ARFIP1: variants seen among roughly 807,000 people sequenced by gnomAD.
The protein encoded by ARFIP1 is arfaptin-1.
Under a neutral mutation model 42.5 loss-of-function variants are expected in ARFIP1, and 24 were observed. That is an observed-to-expected ratio of 0.57 (90% CI 0.41 to 0.80). The LOEUF (loss-of-function observed/expected upper bound fraction) is 0.80, where lower values mean the gene tolerates loss of function less well. Ranked by LOEUF, ARFIP1 falls within the 30% of genes least tolerant of loss-of-function variation. ARFIP1 has a pLI of 0.00. For synonymous variants in ARFIP1, 141 were observed against 153.7 expected (o/e 0.92, Z 0.61); for missense variants, 354 against 434.0 (o/e 0.82, Z 1.64).
chr4:152,851,964 T>G (rs1161864629), intron 2 of ARFIP1, among the ~76,000 whole-genome samples: 1 of 152,230 alleles, frequency 6.6e-6, no homozygotes, highest in Non-Finnish European at 1.5e-5. Flanking sequence ...TGTATTCTTT[T>G]AAAAGTACCT....
At chr4:152,783,809 C>T (rs1561092476) in intron 1 of ARFIP1, among the ~76,000 whole-genome samples, 1 of 151,900 alleles carries the variant, frequency 6.6e-6, no homozygotes, top group Non-Finnish European at 1.5e-5. Flanking sequence ...GTAGGGGTTT[C>T]CTATGGGGAT....
chr4:152,812,066 GGTTTTT>G (rs1729509858), intron 1 of ARFIP1, among the ~76,000 whole-genome samples: 1 of 152,102 alleles, frequency 6.6e-6, no homozygotes. Context: ...TCAGAACATC[GGTTTTT>G]TATTTAAAGT....
chr4:152,868,723 T>C (rs1214448083), intron 3 of ARFIP1, among the ~76,000 whole-genome samples: 5 of 152,218 alleles, frequency 3.3e-5, no homozygotes, highest in Non-Finnish European at 5.9e-5. Flanking sequence ...GGTCTTCTTT[T>C]ATTTTACACT....
intron 8 of ARFIP1, among the ~76,000 whole-genome samples, chr4:152,897,013 A>C (rs1415143199): frequency 2.0e-5 from 3 of 152,220 alleles, no homozygotes; most frequent in African/African-American, 7.2e-5. Context: ...ATATCTTAAC[A>C]TATGGTGCAA....
chr4:152,897,671 A>G (rs1047578051), intron 8 of ARFIP1, among the ~76,000 whole-genome samples: 4 of 152,174 alleles, frequency 2.6e-5, no homozygotes, highest in Non-Finnish European at 5.9e-5. Context: ...GTTGATATAC[A>G]TGTGTGCTCT....
At chr4:152,837,970 A>T (rs190403129) in intron 2 of ARFIP1, among the ~76,000 whole-genome samples, 105 of 152,236 alleles carry the variant, frequency 6.9e-4, no homozygotes, top group Non-Finnish European at 1.3e-3. Context: ...GAGAGATGAG[A>T]ATCCAGTTTC....
At chr4:152,873,965 C>T (rs1735110310) in intron 5 of ARFIP1, among the ~76,000 whole-genome samples, 1 of 152,180 alleles carries the variant, frequency 6.6e-6, no homozygotes, top group Admixed American at 6.6e-5. Context: ...TCTCATACTT[C>T]TGTAACTTTG....
intron 1 of ARFIP1, among the ~76,000 whole-genome samples, chr4:152,790,948 G>A (rs1179715750): frequency 6.6e-6 from 1 of 151,374 alleles, no homozygotes; most frequent in Non-Finnish European, 1.5e-5. Context: ...AGGTTGCCCA[G>A]GCTGATCTTG....
chr4:152,900,525 T>C (rs72968481), intron 8 of ARFIP1, among the ~76,000 whole-genome samples: 2,144 of 152,272 alleles, frequency 0.014, 27 homozygotes, highest in African/African-American at 0.034. Flanking sequence ...TGTCTTTCCT[T>C]CTCTCACTCC....
Position 152,881,006 on chromosome 4 carries a change from G to A in ARFIP1, c.455G>A (p.Arg152Lys). The A allele has an allele frequency of 6.2e-7, 1 of 1,613,872 alleles. No homozygotes were observed. The highest frequency in any genetic ancestry group is 8.5e-7 in the Non-Finnish European group (1 of 1,179,856). ...IISEKLGRGS[R>K]TVDLELEAQI... is the part of the protein sequence containing the mutation. ...TCTGAGAAGCTAGGCCGTGGCTCAA[G>A]AACTGTGGACCTTGAACTTGAAGCT... The change falls in exon 6 of 9, where the codon AGA (arginine) becomes AAA (lysine). Residue 152 changes from arginine to lysine, a missense_variant. Coordinates refer to ENST00000353617, the MANE Select transcript of ARFIP1 (RefSeq NM_001025595.3).
chr4:152,908,275 T>C (rs774711378), intron 8 of ARFIP1, among the ~76,000 whole-genome samples: 9 of 152,246 alleles, frequency 5.9e-5, no homozygotes, highest in Non-Finnish European at 1.3e-4. Context: ...TTTCCCAGTA[T>C]GTAGCTTATC....
intron 1 of ARFIP1, among the ~76,000 whole-genome samples, chr4:152,811,544 C>A (rs1729468298): frequency 6.6e-6 from 1 of 152,094 alleles, no homozygotes; most frequent in African/African-American, 2.4e-5. Flanking sequence ...AAGTACATTT[C>A]ATGTTCCAGA....
chr4:152,907,356 T>TGAAC lies in ARFIP1; in HGVS notation c.967-2708_967-2707insGAAC, dbSNP rs71598221. Among the ~76,000 whole-genome samples, 4 of 151,580 alleles carry TGAAC rather than the reference T, an allele frequency of 2.6e-5. No individual in the cohort carries two copies. In the East Asian group the frequency reaches 7.8e-4, roughly 29 times the overall value. On this transcript the variant is annotated intron_variant, in intron 8 of 8. Transcript: ENST00000353617. ...CTCATAATCTTTTTCTCTTTTTTAA[T>TGAAC]AAAAGAATGTTTAACATACAGACAA...
At chr4:152,896,965 A>G (rs545623234) in intron 8 of ARFIP1, among the ~76,000 whole-genome samples, 1 of 152,338 alleles carries the variant, frequency 6.6e-6, no homozygotes, top group Admixed American at 6.5e-5. Context: ...GACAGAGTAG[A>G]AATAGTGCAA....
intron 1 of ARFIP1, among the ~76,000 whole-genome samples, chr4:152,825,658 G>C (rs1391973298): frequency 1.3e-5 from 2 of 152,112 alleles, no homozygotes; most frequent in African/African-American, 4.8e-5. Context: ...GACCCCAAAA[G>C]CAAATGCAAG....
chr4:152,824,845 C>T (rs901943453), intron 1 of ARFIP1, among the ~76,000 whole-genome samples: 2 of 152,114 alleles, frequency 1.3e-5, no homozygotes, highest in Non-Finnish European at 2.9e-5. Flanking sequence ...AATAAAGTCT[C>T]AGTATACAAA....
chr4:152,857,094 G>A (rs1733505194), intron 2 of ARFIP1, among the ~76,000 whole-genome samples: 1 of 152,234 alleles, frequency 6.6e-6, no homozygotes, highest in Non-Finnish European at 1.5e-5. Context: ...TAAAAATTGA[G>A]TGTAAGGAAT....
intron 1 of ARFIP1, among the ~76,000 whole-genome samples, chr4:152,806,274 A>T (rs994233506): frequency 1.3e-5 from 2 of 152,180 alleles, no homozygotes; most frequent in African/African-American, 4.8e-5. Context: ...AGAGAGTATT[A>T]GTGTAATTTA....
intron 2 of ARFIP1, among the ~76,000 whole-genome samples, chr4:152,847,140 T>TC (rs1732615262): frequency 8.2e-6 from 1 of 121,860 alleles, no homozygotes; most frequent in Non-Finnish European, 1.7e-5. Flanking sequence ...TTTTTTTTTT[T>TC]TTTTTTTTGA....
Sources: allele counts gnomAD v4.1 joint callset (sites outside exome capture counted in the v4.1 genomes callset), GRCh38; gene constraint gnomAD v4.1.1; transcripts MANE v1.5; gene names NCBI Gene and HGNC (gene_info 2026-07-23, HGNC 2026-07-21).